The following SSX2IP variants were observed in gnomAD, a reference collection of about 807,000 sequenced individuals.
SSX2IP encodes afadin- and alpha-actinin-binding protein.
In SSX2IP, 55 loss-of-function variants were observed where a neutral mutation model predicts 84.9. That is an observed-to-expected ratio of 0.65 (90% CI 0.52 to 0.81). The LOEUF (loss-of-function observed/expected upper bound fraction) is 0.81, where lower values mean the gene tolerates loss of function less well. Among genes scored for constraint, SSX2IP ranks in the 30% least tolerant of loss-of-function variants. The pLI is 0.00. For synonymous variants in SSX2IP, 239 were observed against 234.7 expected, an observed-to-expected ratio of 1.02 and a Z score of -0.17; for missense variants, 664 against 705.2, an observed-to-expected ratio of 0.94 and a Z score of 0.66.
intron 8 of SSX2IP, among the ~76,000 whole-genome samples, chr1:84,659,306 A>G (rs1252133156): frequency 6.6e-6 from 1 of 152,084 alleles, no homozygotes; most frequent in Non-Finnish European, 1.5e-5. Context: ...GAACTCTATC[A>G]GTAGTTGAGG....
rs1649333083 is a variant in SSX2IP, at chr1:84,645,289, G to C, written c.*2144C>G. The C allele has an allele frequency of 6.6e-6, 1 of 152,262 alleles. No homozygotes were observed. Among genetic ancestry groups the C allele is most frequent in the African/African-American group, 2.4e-5 (1 of 41,562 alleles). 9.4% of individuals were successfully genotyped at this position (152,262 alleles called of 1,614,324 possible). ...ACATCATTCCAGCATTCTGAGATTA[G>C]GGTGATTGGGGATCATTCTGGAGTT... On this transcript the variant is annotated 3_prime_UTR_variant, in exon 14 of 14. Coordinates refer to ENST00000342203, the MANE Select transcript of SSX2IP (RefSeq NM_001166293.2).
chr1:84,655,721 A>G, intron 11 of SSX2IP, 111 bp downstream of exon 11: 1 of 1,427,598 alleles, frequency 7.0e-7, no homozygotes, highest in South Asian at 1.5e-5. Flanking sequence ...ATCACCAGTA[A>G]ATATTTTAGA....
chr1:84,677,718 T>C (rs1654568998), intron 1 of SSX2IP, among the ~76,000 whole-genome samples: 1 of 152,164 alleles, frequency 6.6e-6, no homozygotes, highest in African/African-American at 2.4e-5. Flanking sequence ...GCCATCACGT[T>C]GTAAGCAACT....
chr1:84,659,721 C>A (rs1035113167), intron 8 of SSX2IP, among the ~76,000 whole-genome samples: 2 of 151,102 alleles, frequency 1.3e-5, no homozygotes, highest in Admixed American at 1.3e-4. Flanking sequence ...TCACTTGAAC[C>A]CGGGAGGCAG....
chr1:84,659,288 A>G (rs543973018), intron 8 of SSX2IP, among the ~76,000 whole-genome samples: 2 of 104,914 alleles, frequency 1.9e-5, no homozygotes, highest in East Asian at 8.3e-4. Flanking sequence ...GGAGCAACTG[A>G]GTCTGAAGAA....
chr1:84,668,886 G>A (rs985735579), intron 4 of SSX2IP, among the ~76,000 whole-genome samples: 1 of 151,992 alleles, frequency 6.6e-6, no homozygotes, highest in Non-Finnish European at 1.5e-5. Flanking sequence ...GTATGCAAAT[G>A]CAAAGGCTTT....
chr1:84,658,444 C>A lies in SSX2IP; in HGVS notation c.952G>T (p.Ala318Ser). Residue 318 changes from alanine to serine, a missense_variant, in exon 9 of 14, where the codon GCC becomes TCC. By Grantham distance (99) the Ala-to-Ser change is moderately conservative (BLOSUM62 1). Transcript: ENST00000342203. ...ATACTCTCTCTGCTTAGTTCCCCGG[C>A]ATCTTCTTCAACATCGGAAATAACC... is the stretch of plus-strand genomic sequence containing the variant. ...GTVISDVEED[A>S]GELSRESMWD... The A allele has an allele frequency of 1.2e-6, 2 of 1,614,024 alleles. No individual in the cohort carries two copies. Among genetic ancestry groups the A allele is most frequent in the Non-Finnish European group, 1.7e-6 (2 of 1,179,964 alleles).
intron 1 of SSX2IP, among the ~76,000 whole-genome samples, chr1:84,689,766 A>C (rs1468402047): frequency 6.6e-6 from 1 of 152,208 alleles, no homozygotes; most frequent in Non-Finnish European, 1.5e-5. Context: ...TCTAAACCAA[A>C]GTATTTTCAT....
intron 1 of SSX2IP, among the ~76,000 whole-genome samples, chr1:84,678,194 A>C (rs142821063): frequency 2.0e-5 from 3 of 152,302 alleles, no homozygotes; most frequent in Non-Finnish European, 4.4e-5. Flanking sequence ...TATTATGGTT[A>C]GATGTCTTCC....
At chr1:84,671,038 A>T in intron 2 of SSX2IP, 139 bp downstream of exon 2, 1 of 1,082,504 alleles carries the variant, frequency 9.2e-7, no homozygotes, top group Non-Finnish European at 1.3e-6. Flanking sequence ...TTCTCAGTAG[A>T]CATGAAAATA....
In SSX2IP at chr1:84,656,463, C is replaced by G; in HGVS notation, c.1100G>C (p.Gly367Ala). The change falls in exon 10 of 14, where the codon GGT becomes GCT. Residue 367 changes from glycine (G) to alanine (A), a missense_variant. Physicochemically the swap from Gly to Ala is moderately conservative, Grantham distance 60 (BLOSUM62 0). Transcript: ENST00000342203. The part of the protein sequence containing the change: ...DNQVSKVHLE[G>A]FNDEDVISRQ... ...TGAGATTACATCTTCATCATTAAAA[C>G]CTTCCAGGTGTACCTTTGAAACTAA... 1.9e-6 allele frequency: 3 copies of G among 1,612,580 alleles called. No homozygotes were observed. Among genetic ancestry groups the G allele is most frequent in the Non-Finnish European group, 2.5e-6 (3 of 1,179,340 alleles).
At chr1:84,668,261 A>G (rs1457394316) in intron 4 of SSX2IP, among the ~76,000 whole-genome samples, 2 of 152,162 alleles carry the variant, frequency 1.3e-5, no homozygotes, top group Non-Finnish European at 2.9e-5. Context: ...CTTATAAGAC[A>G]TGTGGCCAAG....
chr1:84,651,850 A>G (rs376679867), intron 12 of SSX2IP, 33 bp downstream of exon 12: 2 of 1,256,998 alleles, frequency 1.6e-6, no homozygotes, highest in African/African-American at 1.5e-5. Context: ...ATTTATATGC[A>G]TGTTCAAATT....
chr1:84,652,309 G>A (rs1650370000), intron 11 of SSX2IP: 1 of 220,876 alleles, frequency 4.5e-6, no homozygotes, highest in Non-Finnish European at 9.3e-6. Flanking sequence ...TACAGTCTCA[G>A]CTACTTTGGA....
intron 1 of SSX2IP, among the ~76,000 whole-genome samples, chr1:84,687,318 T>C (rs530801184): frequency 6.6e-6 from 1 of 152,356 alleles, no homozygotes; most frequent in South Asian, 2.1e-4. Flanking sequence ...TAACTGCTTG[T>C]AGTTTCATTT....
intron 1 of SSX2IP, among the ~76,000 whole-genome samples, chr1:84,675,337 T>C (rs541613165): frequency 6.6e-6 from 1 of 152,344 alleles, no homozygotes; most frequent in South Asian, 2.1e-4. Context: ...CAGTGATTCA[T>C]GTTTTAGTTC....
intron 1 of SSX2IP, among the ~76,000 whole-genome samples, chr1:84,685,813 G>A (rs886199448): frequency 2.6e-5 from 4 of 152,068 alleles, no homozygotes; most frequent in African/African-American, 9.7e-5. Flanking sequence ...CCTATGCAGG[G>A]GGATATTCCT....
intron 1 of SSX2IP, among the ~76,000 whole-genome samples, 197 bp from the exon 2 acceptor site, chr1:84,671,505 T>C (rs76258325): frequency 0.032 from 4,813 of 152,230 alleles, 117 homozygotes; most frequent in Non-Finnish European, 0.046. Flanking sequence ...GGTTAAAGGC[T>C]TCCCAAGTTC....
Position 84,656,499 on chromosome 1 carries a change from G to A in SSX2IP, c.1079-15C>T. 1 of 1,608,092 alleles carries A rather than the reference G, an allele frequency of 6.2e-7. No homozygotes were observed. The highest frequency in any genetic ancestry group is 8.5e-7 in the Non-Finnish European group (1 of 1,177,632). On this transcript the variant is annotated splice_polypyrimidine_tract_variant and intron_variant, in intron 9 of 13. Coordinates refer to ENST00000342203, the MANE Select transcript of SSX2IP (RefSeq NM_001166293.2). ...TACCTTTGAAACTAAGACAAAATCAGTAAGTTGACATAGGTCTTATAGCCA... is the reference window on the plus strand; with the variant it reads ...TACCTTTGAAACTAAGACAAAATCAATAAGTTGACATAGGTCTTATAGCCA...
Sources: gnomAD v4.1 joint callset for allele counts (sites outside exome capture counted in the v4.1 genomes callset) on GRCh38, gnomAD v4.1.1 for gene constraint, MANE v1.5 for transcripts, NCBI Gene and HGNC (gene_info 2026-07-23, HGNC 2026-07-21) for gene names.